The following JPH3 variants were observed in gnomAD, a reference collection of about 807,000 sequenced individuals.
JPH3 encodes the protein junctophilin-3.
JPH3 carries 11 observed loss-of-function variants against 59.6 expected under a neutral mutation model. The ratio of observed to expected loss-of-function variants is 0.18; its 90% CI spans 0.12 to 0.31. The LOEUF is 0.31. Among genes scored for constraint, JPH3 ranks in the 10% least tolerant of loss-of-function variants. The pLI, the probability that JPH3 is intolerant of heterozygous loss-of-function variation, is 1.00. For missense variants in JPH3, 1,202 were observed against 1,105.7 expected, an observed-to-expected ratio of 1.09 and a Z score of -1.24; for synonymous variants, 673 against 483.6, an observed-to-expected ratio of 1.39 and a Z score of -5.14.
chr16:87,669,058 C>G (rs182349307), intron 2 of JPH3, among the ~76,000 whole-genome samples: 1 of 152,182 alleles, frequency 6.6e-6, no homozygotes, highest in African/African-American at 2.4e-5. Context: ...AGGAAATCGC[C>G]GCTGCATCTC....
chr16:87,667,725 A>G (rs1433692931), intron 2 of JPH3, among the ~76,000 whole-genome samples: 1 of 152,046 alleles, frequency 6.6e-6, no homozygotes, highest in African/African-American at 2.4e-5. Flanking sequence ...GGATCAACAC[A>G]CTTTTTCTGT....
intron 1 of JPH3, among the ~76,000 whole-genome samples, chr16:87,636,713 A>C (rs762996594): frequency 3.9e-5 from 6 of 152,196 alleles, no homozygotes; most frequent in Non-Finnish European, 7.3e-5. Context: ...CCAGGGGCAA[A>C]AATCCAACAC....
At chr16:87,602,077 G>A (rs1183909057), upstream of JPH3, 1 of 152,424 alleles carries the variant, frequency 6.6e-6, no homozygotes, top group African/African-American at 2.4e-5. Flanking sequence ...CCGGCGGGAG[G>A]GGCGAGGCGC....
chr16:87,665,262 A>G (rs962529304), intron 2 of JPH3, among the ~76,000 whole-genome samples: 7 of 152,140 alleles, frequency 4.6e-5, no homozygotes, highest in African/African-American at 1.7e-4. Flanking sequence ...ACCTGCTGTT[A>G]TATCGGGGGC....
intron 2 of JPH3, among the ~76,000 whole-genome samples, chr16:87,671,627 C>G (rs1346734172): frequency 3.1e-5 from 2 of 65,228 alleles, no homozygotes; most frequent in Non-Finnish European, 6.7e-5. Flanking sequence ...CGCCTGAGCT[C>G]CCAGCTCTGG....
At chr16:87,692,204 CCT>C (rs1491341728) in intron 4 of JPH3, among the ~76,000 whole-genome samples, 1 of 151,378 alleles carries the variant, frequency 6.6e-6, no homozygotes, top group Non-Finnish European at 1.5e-5. Context: ...GGTTTCCCTC[CCT>C]GTCTCCCTCC....
At chr16:87,623,820 G>C (rs2031275555) in intron 1 of JPH3, among the ~76,000 whole-genome samples, 2 of 152,214 alleles carry the variant, frequency 1.3e-5, no homozygotes, top group African/African-American at 4.8e-5. Context: ...GAAAACTGTG[G>C]GGTCCTCCCT....
chr16:87,692,206 T>TCCCCGTCTCCCTCCCC (rs1567617623), intron 4 of JPH3, among the ~76,000 whole-genome samples: 1 of 151,370 alleles, frequency 6.6e-6, no homozygotes, highest in Admixed American at 6.6e-5. Flanking sequence ...TTTCCCTCCC[T>TCCCCGTCTCCCTCCCC]GTCTCCCTCC....
chr16:87,626,068 A>G (rs529914678), intron 1 of JPH3, among the ~76,000 whole-genome samples: 1 of 152,242 alleles, frequency 6.6e-6, no homozygotes, highest in African/African-American at 2.4e-5. Context: ...AGTTACTGCT[A>G]TCGGGGGTGT....
chr16:87,651,726 C>T (rs773006053), intron 2 of JPH3, among the ~76,000 whole-genome samples: 9 of 152,332 alleles, frequency 5.9e-5, no homozygotes, highest in South Asian at 2.1e-4. Flanking sequence ...AGGGGTGAAA[C>T]GAGAAAATGG....
chr16:87,615,909 G>A (rs2030939095), intron 1 of JPH3, among the ~76,000 whole-genome samples: 1 of 152,196 alleles, frequency 6.6e-6, no homozygotes, highest in Non-Finnish European at 1.5e-5. Context: ...TGGCTGGATG[G>A]GTCAATGAGT....
intron 1 of JPH3, among the ~76,000 whole-genome samples, chr16:87,643,635 C>G (rs2032030112): frequency 6.6e-6 from 1 of 152,212 alleles, no homozygotes; most frequent in South Asian, 2.1e-4. Context: ...GTGCCCTTGG[C>G]AGGGGCTCCG....
In JPH3 at chr16:87,660,787, C is replaced by G. The variant is rs556675179; in HGVS notation, c.1160+15752C>G. ...GAGGGGGCACCTCCTCTTGGGCCAT[C>G]CATATAAGGCTGGAGACAAACAGCT... On this transcript the variant is annotated intron_variant, in intron 2 of 4. Coordinates refer to ENST00000284262, the MANE Select transcript of JPH3 (RefSeq NM_020655.4). Among the ~76,000 whole-genome samples, 51 of 152,314 alleles carry G rather than the reference C, an allele frequency of 3.3e-4. 1 individual carries two copies. Among genetic ancestry groups the G allele is most frequent in the African/African-American group, 1.2e-3 (51 of 41,564 alleles).
chr16:87,621,539 G>T (rs1034998616), intron 1 of JPH3, among the ~76,000 whole-genome samples: 1 of 152,184 alleles, frequency 6.6e-6, no homozygotes, highest in African/African-American at 2.4e-5. Context: ...GCTTCCCCTC[G>T]TGATTCTCCT....
intron 2 of JPH3, among the ~76,000 whole-genome samples, chr16:87,652,075 C>T (rs779538406): frequency 2.4e-3 from 370 of 152,074 alleles, no homozygotes; most frequent in Non-Finnish European, 2.5e-3. Flanking sequence ...CCCAGGTTCA[C>T]GCCATTCTCC....
intron 4 of JPH3, among the ~76,000 whole-genome samples, chr16:87,691,148 G>A (rs1567616892): frequency 6.6e-6 from 1 of 150,784 alleles, no homozygotes; most frequent in African/African-American, 2.4e-5. Flanking sequence ...GCGTCCCCCT[G>A]GGCTAGACTC....
chr16:87,674,538 A>G (rs62053825), intron 2 of JPH3, among the ~76,000 whole-genome samples: 16,247 of 152,244 alleles, frequency 0.11, 960 homozygotes, highest in African/African-American at 0.15. Context: ...AACAAGTCAC[A>G]GGAAAAAATA....
chr16:87,661,409 G>A (rs539433636), intron 2 of JPH3, among the ~76,000 whole-genome samples: 41 of 152,376 alleles, frequency 2.7e-4, no homozygotes, highest in African/African-American at 8.2e-4. Flanking sequence ...TGCTGACCAC[G>A]CTCTCCTCTG....
Position 87,690,307 on chromosome 16 carries a change from C to A in JPH3, c.1947C>A (p.Gly649=). 1 of 1,595,368 alleles carries A rather than the reference C, an allele frequency of 6.3e-7. No individual in the cohort carries two copies. The highest frequency in any genetic ancestry group is 8.5e-7 in the Non-Finnish European group (1 of 1,171,588). The change falls in exon 4 of 5, where the codon GGC becomes GGA. Residue 649 remains glycine (G), a synonymous_variant. Coordinates refer to ENST00000284262, the MANE Select transcript of JPH3 (RefSeq NM_020655.4). ...ACGACCACCGCCCCGAGGACCGGGG[C>A]TTCGGGGTGCAGAGACTGCGGTCCA... is the stretch of plus-strand genomic sequence containing the variant. The part of the protein sequence containing the change: ...LGDDHRPEDR[G]FGVQRLRSKA...
Sources: allele counts gnomAD v4.1 joint callset (sites outside exome capture counted in the v4.1 genomes callset), GRCh38; gene constraint gnomAD v4.1.1; transcripts MANE v1.5; gene names NCBI Gene and HGNC (gene_info 2026-07-23, HGNC 2026-07-21).